The following EREG variants were observed in gnomAD, a reference collection of about 807,000 sequenced individuals.
EREG encodes the protein proepiregulin.
In EREG, 23 loss-of-function variants were observed where a neutral mutation model predicts 22.4. That is an observed-to-expected ratio of 1.03 (90% CI 0.74 to 1.46). EREG has a LOEUF of 1.46. Among genes scored for constraint, EREG ranks in the 40% most tolerant of loss-of-function variants. The pLI, the probability that EREG is intolerant of heterozygous loss-of-function variation, is 0.00. For missense variants in EREG, 226 were observed against 205.9 expected (o/e 1.10, Z -0.60); for synonymous variants, 100 against 75.4 (o/e 1.33, Z -1.69).
intron 1 of EREG, among the ~76,000 whole-genome samples, chr4:74,367,359 T>C (rs920977729): frequency 1.3e-5 from 2 of 152,218 alleles, no homozygotes; most frequent in African/African-American, 2.4e-5. Flanking sequence ...GAACATTAAG[T>C]AGAAGAGTTG....
intron 3 of EREG, 196 bp from the exon 4 acceptor site, chr4:74,382,449 A>T: frequency 2.1e-6 from 1 of 476,588 alleles, no homozygotes; most frequent in Non-Finnish European, 3.7e-6. Context: ...TTAATACTAC[A>T]ATTTAGTCCA....
At chr4:74,381,213 C>T in intron 3 of EREG, 76 bp downstream of exon 3, 4 of 1,299,344 alleles carry the variant, frequency 3.1e-6, no homozygotes, top group Non-Finnish European at 4.4e-6. Flanking sequence ...TGCAGATTTG[C>T]TAGTGGATAT....
rs757048212 is a variant in EREG at position 74,365,389 on chromosome 4, C to G, written c.67+14C>G. On this transcript the variant is annotated intron_variant, in intron 1 of 4. Coordinates refer to ENST00000244869, the MANE Select transcript of EREG (RefSeq NM_001432.3). ...TGCTCTGCCTGGGTAAGTTCTCCCC[C>G]TCTGGCTTCCGGCCGCCCCAAAGAG... is the stretch of plus-strand genomic sequence containing the variant. 6.8e-6 allele frequency: 11 copies of G among 1,611,404 alleles called. No homozygotes were observed. Among genetic ancestry groups the G allele is most frequent in the African/African-American group, 1.3e-5 (1 of 74,912 alleles).
intron 3 of EREG, 107 bp from the exon 4 acceptor site, chr4:74,382,535 TTTG>T: frequency 1.3e-6 from 1 of 784,264 alleles, no homozygotes; most frequent in East Asian, 2.5e-5. Context: ...TTTAGCAAAT[TTTG>T]TTGATTTCTT....
chr4:74,381,291 A>C (rs1412846980), intron 3 of EREG, 154 bp downstream of exon 3: 2 of 622,244 alleles, frequency 3.2e-6, no homozygotes, highest in Non-Finnish European at 5.4e-6. Flanking sequence ...GGAACCCATT[A>C]GGTAATTTTT....
rs909671587 is a variant in EREG, at chr4:74,388,244, A to G, written c.*3436A>G. ...ATCCATTCTGTAGACTTTTGAAAAA[A>G]AAGTTTTTAATTTGATGCCCAATAT... On this transcript the variant is annotated 3_prime_UTR_variant, in exon 5 of 5. Coordinates refer to ENST00000244869, the MANE Select transcript of EREG (RefSeq NM_001432.3). The G allele has an allele frequency of 6.6e-6, 1 of 152,176 alleles. No individual in the cohort carries two copies. The allele number at this position is 152,176 out of a possible 1,614,324, so 9.4% of individuals were successfully genotyped here.
intron 2 of EREG, among the ~76,000 whole-genome samples, chr4:74,380,718 C>T (rs1752458482): frequency 6.6e-6 from 1 of 152,178 alleles, no homozygotes; most frequent in South Asian, 2.1e-4. Flanking sequence ...AGGATAATGA[C>T]ACCTGTGTGT....
chr4:74,370,127 C>T (rs957188015), intron 1 of EREG, among the ~76,000 whole-genome samples: 7 of 152,154 alleles, frequency 4.6e-5, no homozygotes, highest in Admixed American at 2.6e-4. Flanking sequence ...GGTGAAAGTA[C>T]TCATCCTTTA....
chr4:74,387,157 G>A lies in EREG; in HGVS notation c.*2349G>A, dbSNP rs895433990. 1 of 152,118 alleles carries A rather than the reference G, an allele frequency of 6.6e-6. No homozygotes were observed. The highest frequency in any genetic ancestry group is 1.5e-5 in the Non-Finnish European group (1 of 68,016). The allele number at this position is 152,118 out of a possible 1,614,324, so 9.4% of individuals were successfully genotyped here. ...ACAGGAGGATGTGAATAGGTTATAT[G>A]CAAGCACTATGCCCTTTTATATAAG... On this transcript the variant is annotated 3_prime_UTR_variant, in exon 5 of 5. Coordinates refer to ENST00000244869, the MANE Select transcript of EREG (RefSeq NM_001432.3).
intron 1 of EREG, among the ~76,000 whole-genome samples, chr4:74,371,448 T>C (rs897553001): frequency 4.6e-5 from 7 of 152,196 alleles, no homozygotes; most frequent in Admixed American, 1.3e-4. Context: ...AACCACCCTT[T>C]ACTTCCTTTT....
chr4:74,382,513 C>T (rs1752496123), intron 3 of EREG, 132 bp from the exon 4 acceptor site: 4 of 646,842 alleles, frequency 6.2e-6, no homozygotes, highest in South Asian at 4.8e-5. Context: ...CTTTGAAATC[C>T]TCTTTACAAT....
intron 1 of EREG, among the ~76,000 whole-genome samples, chr4:74,377,485 C>G (rs973116838): frequency 6.6e-6 from 1 of 152,122 alleles, no homozygotes; most frequent in Non-Finnish European, 1.5e-5. Flanking sequence ...CTTTAGTTTT[C>G]TCTAATGGGG....
intron 4 of EREG, among the ~76,000 whole-genome samples, chr4:74,383,793 T>A (rs1357211664): frequency 6.6e-6 from 1 of 152,184 alleles, no homozygotes; most frequent in Non-Finnish European, 1.5e-5. Flanking sequence ...CAAATAATAA[T>A]GCCTTCCTAA....
chr4:74,368,333 T>G (rs1312513310), intron 1 of EREG, among the ~76,000 whole-genome samples: 1 of 152,210 alleles, frequency 6.6e-6, no homozygotes. Context: ...AAGATATGAT[T>G]TTTATTATGA....
At chr4:74,365,437 G>C (rs1752160743) in intron 1 of EREG, 62 bp downstream of exon 1, 1 of 1,459,644 alleles carries the variant, frequency 6.9e-7, no homozygotes, top group African/African-American at 1.4e-5. Context: ...GAAGGCTCCT[G>C]TGCATTTGTC....
chr4:74,374,725 A>G (rs1752349706), intron 1 of EREG, among the ~76,000 whole-genome samples: 1 of 151,992 alleles, frequency 6.6e-6, no homozygotes, highest in Admixed American at 6.6e-5. Context: ...GCGGTCCCCA[A>G]TATTGTGTAA....
chr4:74,365,442 T>C (rs1752160817), intron 1 of EREG, 67 bp downstream of exon 1: 24 of 1,450,548 alleles, frequency 1.7e-5, no homozygotes, highest in Non-Finnish European at 2.3e-5. Context: ...CTCCTGTGCA[T>C]TTGTCATTCG....
At chr4:74,370,956 G>C (rs971935854) in intron 1 of EREG, among the ~76,000 whole-genome samples, 1 of 152,080 alleles carries the variant, frequency 6.6e-6, no homozygotes, top group African/African-American at 2.4e-5. Context: ...TGACATTAGG[G>C]ACTAAATAAT....
chr4:74,376,309 C>T (rs990049863), intron 1 of EREG, among the ~76,000 whole-genome samples: 2 of 152,168 alleles, frequency 1.3e-5, no homozygotes, highest in Non-Finnish European at 2.9e-5. Flanking sequence ...CTAGCATTTT[C>T]CTGGAGGGAG....
Sources: allele counts gnomAD v4.1 joint callset (sites outside exome capture counted in the v4.1 genomes callset), GRCh38; gene constraint gnomAD v4.1.1; transcripts MANE v1.5; gene names NCBI Gene and HGNC (gene_info 2026-07-23, HGNC 2026-07-21).